Variants in NUP98 observed in about 807,000 individuals in gnomAD.
NUP98 encodes nucleoporin 98 and 96 precursor.
NUP98 carries 26 observed loss-of-function variants against 191.9 expected under a neutral mutation model. The observed-to-expected ratio is 0.14, with a 90% confidence interval of 0.10 to 0.19. NUP98 has a LOEUF of 0.19. Among genes scored for constraint, NUP98 ranks in the 10% least tolerant of loss-of-function variants. The probability of loss-of-function intolerance (pLI) is 1.00; values close to 1 mark genes in which losing one functional copy is unlikely to be tolerated. For synonymous variants in NUP98, 808 were observed against 778.4 expected, an observed-to-expected ratio of 1.04 and a Z score of -0.63; for missense variants, 1,941 against 2,178.8, an observed-to-expected ratio of 0.89 and a Z score of 2.17.
chr11:3,768,485 A>G, intron 8 of NUP98, 96 bp downstream of exon 8: 1 of 1,096,562 alleles, frequency 9.1e-7, no homozygotes, highest in Non-Finnish European at 1.2e-6. Context: ...TAAGATTTGC[A>G]GTACAGGTAG....
intron 13 of NUP98, among the ~76,000 whole-genome samples, chr11:3,733,843 CTTGT>C (rs2079939162): frequency 6.6e-6 from 1 of 152,130 alleles, no homozygotes; most frequent in East Asian, 1.9e-4. Context: ...TTAATAAATT[CTTGT>C]TTATTTTCAT....
Position 3,713,948 on chromosome 11 carries a change from G to A in NUP98, c.2447C>T (p.Ser816Phe). ...ATCTGGGCTCTTTATTAAACAACGA[G>A]ATGTTTTATCTGTTGGCCAAACTCC... Reference protein sequence around the residue: ...LDGVWPTDKTSRCLIKSPDRL... With the variant: ...LDGVWPTDKTFRCLIKSPDRL... The change falls in exon 19 of 33, where the codon TCT (serine) becomes TTT (phenylalanine). Residue 816 changes from serine (S) to phenylalanine (F), a missense_variant. Ser to Phe is a radical substitution (Grantham distance 155). Transcript: ENST00000324932. 1 of 1,614,056 alleles carries A rather than the reference G, an allele frequency of 6.2e-7. No homozygotes were observed. The highest frequency in any genetic ancestry group is 8.5e-7 in the Non-Finnish European group (1 of 1,179,998).
intron 8 of NUP98, among the ~76,000 whole-genome samples, chr11:3,766,192 C>T (rs1010193162): frequency 1.3e-5 from 2 of 152,012 alleles, no homozygotes; most frequent in Non-Finnish European, 2.9e-5. Context: ...CTGGATAACT[C>T]GATGAAAACC....
Position 3,711,950 on chromosome 11 carries a change from G to A in NUP98, c.2742+614C>T, listed in dbSNP as rs796302949. 52 of 1,042,930 alleles carry A rather than the reference G, an allele frequency of 5.0e-5. No homozygotes were observed. The African/African-American group carries it at 7.7e-4, about 15-fold the overall frequency. 64.6% of individuals were successfully genotyped at this position (1,042,930 alleles called of 1,614,324 possible). ...TTTCAGCAGCTGAGAGGTAGAGGAT[G>A]CTTTACAAAGAAATCCCGTATCAAT... On this transcript the variant is annotated intron_variant, in intron 20 of 32. Transcript: ENST00000324932.
chr11:3,695,668 TGGGGG>T, intron 25 of NUP98, 62 bp from the exon 26 acceptor site: 1 of 1,172,402 alleles, frequency 8.5e-7, no homozygotes, highest in Non-Finnish European at 1.1e-6. Context: ...GTCAAACACT[TGGGGG>T]CATTATCTTC....
At chr11:3,694,191 G>C (rs979444232) in intron 26 of NUP98, among the ~76,000 whole-genome samples, 1 of 151,934 alleles carries the variant, frequency 6.6e-6, no homozygotes, top group Non-Finnish European at 1.5e-5. Context: ...GGCCAACATG[G>C]GGAAACCCGT....
intron 12 of NUP98, 120 bp downstream of exon 12, chr11:3,744,389 T>C: frequency 1.0e-5 from 10 of 1,000,372 alleles, no homozygotes; most frequent in South Asian, 2.1e-5. Context: ...TACCCAATTG[T>C]TTAATGACAT....
intron 8 of NUP98, among the ~76,000 whole-genome samples, chr11:3,767,999 C>T (rs2081395680): frequency 6.6e-6 from 1 of 152,052 alleles, no homozygotes; most frequent in African/African-American, 2.4e-5. Flanking sequence ...GGGCCAAGTC[C>T]AGCCCACTAA....
intron 16 of NUP98, among the ~76,000 whole-genome samples, chr11:3,721,825 C>CT (rs1219971017): frequency 2.6e-5 from 4 of 152,066 alleles, no homozygotes; most frequent in African/African-American, 7.2e-5. Flanking sequence ...CGCTGGTGTG[C>CT]TTGCTTGCTC....
rs1431951142 is a variant in NUP98, at chr11:3,679,654, G to A, written c.4973C>T (p.Ala1658Val). 1 of 1,614,056 alleles carries A rather than the reference G, an allele frequency of 6.2e-7. No individual in the cohort carries two copies. The highest frequency in any genetic ancestry group is 1.7e-5 in the Admixed American group (1 of 59,996). Residue 1658 changes from alanine to valine, a missense_variant, in exon 31 of 33, where the codon GCA becomes GTA. By Grantham distance (64) the Ala-to-Val change is moderately conservative. Coordinates refer to ENST00000324932, the MANE Select transcript of NUP98 (RefSeq NM_016320.5). ...AATTAGGCTGCTGCGCTCTGGAGGT[G>A]CCAGGTCTTCCAAGAACCCCTTCAG... ...DYLKGFLEDL[A>V]PPERSSLIQD...
At chr11:3,721,291 C>T (rs2079391807) in intron 16 of NUP98, among the ~76,000 whole-genome samples, 1 of 152,178 alleles carries the variant, frequency 6.6e-6, no homozygotes, top group Non-Finnish European at 1.5e-5. Context: ...TGTAATTTAA[C>T]AATAGAAGTA....
chr11:3,716,079 T>C (rs1327650693), intron 18 of NUP98, among the ~76,000 whole-genome samples: 2 of 152,250 alleles, frequency 1.3e-5, no homozygotes, highest in Non-Finnish European at 2.9e-5. Context: ...TTCAGTTTGA[T>C]ATAGTGTCAT....
chr11:3,785,695 G>C (rs933914057), intron 1 of NUP98, among the ~76,000 whole-genome samples: 1 of 151,978 alleles, frequency 6.6e-6, no homozygotes, highest in Non-Finnish European at 1.5e-5. Context: ...GGAAGCAGAC[G>C]TTGCAGTTAG....
At chr11:3,721,571 T>G (rs999342268) in intron 16 of NUP98, among the ~76,000 whole-genome samples, 1 of 151,674 alleles carries the variant, frequency 6.6e-6, no homozygotes, top group African/African-American at 2.4e-5. Flanking sequence ...TGGTGGCGGG[T>G]GCTTGTAATC....
At chr11:3,677,914 A>G (rs2077869444) in intron 31 of NUP98, among the ~76,000 whole-genome samples, 1 of 152,210 alleles carries the variant, frequency 6.6e-6, no homozygotes, top group Non-Finnish European at 1.5e-5. Context: ...AGCATTTAGT[A>G]GAGGCCGAGG....
At chr11:3,733,793 A>C (rs1222456557) in intron 13 of NUP98, among the ~76,000 whole-genome samples, 1 of 152,228 alleles carries the variant, frequency 6.6e-6, no homozygotes, top group East Asian at 1.9e-4. Context: ...GTGTAAACTT[A>C]AGTGCTTGTA....
At chr11:3,691,204 C>T in intron 28 of NUP98, 143 bp downstream of exon 28, 4 of 771,858 alleles carry the variant, frequency 5.2e-6, no homozygotes, top group Non-Finnish European at 8.2e-6. Context: ...ATGCTCTTTC[C>T]ATTCAACTAC....
chr11:3,758,765 G>A (rs777094624), intron 10 of NUP98, among the ~76,000 whole-genome samples: 6 of 152,056 alleles, frequency 3.9e-5, no homozygotes, highest in Non-Finnish European at 7.4e-5. Context: ...AGCCTGGGAG[G>A]GAGGGGAGAG....
In NUP98 at chr11:3,743,828, C is replaced by G. The variant is rs1001768109; in HGVS notation, c.1408+681G>C. Reference sequence around the variant, plus strand: ...TTGCACTTTGGGAGGCCGAGGTGGGCGGATCACGAGGTCAGGAATTCGAGA... The same window carrying G: ...TTGCACTTTGGGAGGCCGAGGTGGGGGGATCACGAGGTCAGGAATTCGAGA... On this transcript the variant is annotated intron_variant, in intron 12 of 32. Coordinates refer to ENST00000324932, the MANE Select transcript of NUP98 (RefSeq NM_016320.5). 7.3e-5 allele frequency among the ~76,000 whole-genome samples: 11 copies of G among 151,448 alleles called. No individual in the cohort carries two copies. In the South Asian group the frequency reaches 2.3e-3, roughly 32 times the overall value.
Sources: allele counts gnomAD v4.1 joint callset (sites outside exome capture counted in the v4.1 genomes callset), GRCh38; gene constraint gnomAD v4.1.1; transcripts MANE v1.5; gene names NCBI Gene and HGNC (gene_info 2026-07-23, HGNC 2026-07-21).